Variants in CNTN3 observed in about 807,000 individuals in gnomAD.
CNTN3 encodes contactin 3, also known as contactin-3.
In CNTN3, 60 loss-of-function variants were observed where a neutral mutation model predicts 119.1. That is an observed-to-expected ratio of 0.50 (90% CI 0.41 to 0.62). CNTN3 has a LOEUF of 0.62. Ranked by LOEUF, CNTN3 falls within the 20% of genes least tolerant of loss-of-function variation. The probability of loss-of-function intolerance (pLI) is 0.00; values close to 1 mark genes in which losing one functional copy is unlikely to be tolerated. For missense variants in CNTN3, 1,101 were observed against 1,242.4 expected (o/e 0.89, Z 1.71); for synonymous variants, 450 against 438.7 (o/e 1.03, Z -0.32).
chr3:74,364,119 G>A (rs1704135646), intron 10 of CNTN3, among the ~76,000 whole-genome samples: 1 of 152,024 alleles, frequency 6.6e-6, no homozygotes, highest in Admixed American at 6.6e-5. Context: ...TCAAATTTTG[G>A]TATTTGCTAT....
chr3:74,451,895 C>G (rs886223074), intron 4 of CNTN3, among the ~76,000 whole-genome samples: 2 of 136,434 alleles, frequency 1.5e-5, no homozygotes, highest in African/African-American at 5.8e-5. Flanking sequence ...GGTACCAGTA[C>G]CATGCTGTTT....
chr3:74,580,104 A>G (rs368280304), intron 1 of CNTN3, among the ~76,000 whole-genome samples: 2 of 152,212 alleles, frequency 1.3e-5, no homozygotes, highest in Non-Finnish European at 2.9e-5. Context: ...AGCAGACAAT[A>G]ATTATACATT....
intron 1 of CNTN3, among the ~76,000 whole-genome samples, chr3:74,552,484 T>C (rs941379367): frequency 6.6e-6 from 1 of 152,218 alleles, no homozygotes; most frequent in Non-Finnish European, 1.5e-5. Flanking sequence ...TTTTGGATTG[T>C]GGCCATGGTA....
chr3:74,424,020 A>C (rs1701655721), intron 5 of CNTN3, among the ~76,000 whole-genome samples: 1 of 152,158 alleles, frequency 6.6e-6, no homozygotes, highest in Non-Finnish European at 1.5e-5. Flanking sequence ...TCTCAGTTTC[A>C]CTTCTGGTCA....
chr3:74,378,789 G>C (rs1704542064), intron 5 of CNTN3, among the ~76,000 whole-genome samples: 1 of 152,170 alleles, frequency 6.6e-6, no homozygotes, highest in South Asian at 2.1e-4. Flanking sequence ...GTGATATCTA[G>C]AGATCAAGTT....
At chr3:74,344,489 G>A (rs1444475029) in intron 11 of CNTN3, among the ~76,000 whole-genome samples, 1 of 122,986 alleles carries the variant, frequency 8.1e-6, no homozygotes, top group Non-Finnish European at 1.6e-5. Context: ...ACAGTGGCGC[G>A]ATCTGGGCTC....
At chr3:74,435,204 T>C (rs1403553836) in intron 4 of CNTN3, among the ~76,000 whole-genome samples, 7 of 152,342 alleles carry the variant, frequency 4.6e-5, no homozygotes, top group Middle Eastern at 3.4e-3. Context: ...AAACAGGGTC[T>C]TGCTCTGTTG....
chr3:74,513,866 A>G (rs1174047365), intron 2 of CNTN3, among the ~76,000 whole-genome samples: 1 of 152,076 alleles, frequency 6.6e-6, no homozygotes, highest in Non-Finnish European at 1.5e-5. Flanking sequence ...GAAAGTAATA[A>G]GTCAAATGCC....
chr3:74,435,093 A>G (rs1388090668), intron 4 of CNTN3, among the ~76,000 whole-genome samples: 2 of 152,108 alleles, frequency 1.3e-5, no homozygotes, highest in African/African-American at 2.4e-5. Context: ...GATCAAGTTA[A>G]TTGTTCCGCA....
intron 3 of CNTN3, among the ~76,000 whole-genome samples, chr3:74,495,549 C>T (rs1703046328): frequency 6.6e-6 from 1 of 151,944 alleles, no homozygotes; most frequent in South Asian, 2.1e-4. Flanking sequence ...ATATATATTA[C>T]TGTGTCAATA....
chr3:74,364,430 A>C (rs1345982524), intron 10 of CNTN3, 37 bp downstream of exon 10: 1 of 1,588,724 alleles, frequency 6.3e-7, no homozygotes, highest in East Asian at 2.2e-5. Context: ...GATTTAAGAC[A>C]AAAAATTAAG....
At chr3:74,439,533 T>G (rs767804868) in intron 4 of CNTN3, among the ~76,000 whole-genome samples, 2 of 152,116 alleles carry the variant, frequency 1.3e-5, no homozygotes, top group Non-Finnish European at 2.9e-5. Flanking sequence ...TATATGATAC[T>G]AAAAAAATCT....
At chr3:74,396,852 A>G (rs1187208339) in intron 5 of CNTN3, among the ~76,000 whole-genome samples, 2 of 152,110 alleles carry the variant, frequency 1.3e-5, no homozygotes, top group Non-Finnish European at 2.9e-5. Flanking sequence ...CATCTCCATA[A>G]CATACAAGTG....
intron 4 of CNTN3, among the ~76,000 whole-genome samples, chr3:74,430,201 A>C (rs1701760313): frequency 6.6e-6 from 1 of 152,134 alleles, no homozygotes; most frequent in African/African-American, 2.4e-5. Flanking sequence ...AAAAGTTCGC[A>C]GAGTTTTATG....
chr3:74,405,173 A>C (rs973771251), intron 5 of CNTN3, among the ~76,000 whole-genome samples: 1 of 151,990 alleles, frequency 6.6e-6, no homozygotes, highest in Non-Finnish European at 1.5e-5. Context: ...TACCTGAATA[A>C]TATTTTTAAA....
At chr3:74,324,990 T>C (rs922413126) in intron 13 of CNTN3, among the ~76,000 whole-genome samples, 2 of 152,184 alleles carry the variant, frequency 1.3e-5, no homozygotes, top group Non-Finnish European at 2.9e-5. Context: ...AACAATCTGA[T>C]ACATGCACAT....
intron 5 of CNTN3, among the ~76,000 whole-genome samples, chr3:74,386,116 G>A (rs1575677410): frequency 6.6e-6 from 1 of 152,156 alleles, no homozygotes; most frequent in South Asian, 2.1e-4. Flanking sequence ...GGGAGTGTGA[G>A]TCAGAGCCTG....
chr3:74,322,022 C>T (rs1277085238), intron 13 of CNTN3, among the ~76,000 whole-genome samples: 1 of 151,934 alleles, frequency 6.6e-6, no homozygotes, highest in African/African-American at 2.4e-5. Flanking sequence ...CCCGTCTCCA[C>T]TAAAAATACA....
intron 1 of CNTN3, among the ~76,000 whole-genome samples, chr3:74,594,695 A>C (rs1458846480): frequency 6.6e-6 from 1 of 152,002 alleles, no homozygotes; most frequent in Non-Finnish European, 1.5e-5. Context: ...CCAGTCTATC[A>C]TTGTTGGACA....
Sources: allele counts gnomAD v4.1 joint callset (sites outside exome capture counted in the v4.1 genomes callset), GRCh38; gene constraint gnomAD v4.1.1; transcripts MANE v1.5; gene names NCBI Gene and HGNC (gene_info 2026-07-23, HGNC 2026-07-21).